DOCK8: variants seen among roughly 807,000 people sequenced by gnomAD.
DOCK8 encodes the protein dedicator of cytokinesis 8.
DOCK8 carries 141 observed loss-of-function variants against 245.6 expected under a neutral mutation model. The observed-to-expected ratio is 0.57, with a 90% CI of 0.50 to 0.66. The LOEUF is 0.66. Ranked by LOEUF, DOCK8 falls within the 30% of genes least tolerant of loss-of-function variation. The pLI is 0.00. For missense variants in DOCK8, 2,965 were observed against 2,603.4 expected (o/e 1.14, Z -3.02); for synonymous variants, 1,168 against 970.2 (o/e 1.20, Z -3.79).
Position 400,934 on chromosome 9 carries a change from TCCACCACCACCATCA to T in DOCK8, c.3234+1688_3234+1702del, listed in dbSNP as rs1246775491. On this transcript the variant is annotated intron_variant, in intron 26 of 47. Coordinates refer to ENST00000432829, the MANE Select transcript of DOCK8 (RefSeq NM_203447.4). ...CAGCTCCTTCACCATCACCACAACA[TCCACCACCACCATCA>T]CCACCACCACCACCACCTCCTCCAC... Among the ~76,000 whole-genome samples, 61 of 20,532 alleles carry T rather than the reference TCCACCACCACCATCA, an allele frequency of 3.0e-3. 2 individuals carry two copies. The highest frequency in any genetic ancestry group is 4.9e-3 in the East Asian group (3 of 612). The allele number at this position is 20,532 out of a possible 152,430, so 13.5% of individuals were successfully genotyped here. A position where few individuals can be genotyped will look rare whatever the true frequency, so the allele number is the denominator to read the frequency against.
chr9:223,217 A>T (rs2131345002), intron 1 of DOCK8, among the ~76,000 whole-genome samples: 1 of 152,328 alleles, frequency 6.6e-6, no homozygotes, highest in East Asian at 1.9e-4. Context: ...CTGGAACTAA[A>T]TTAAGAAAAA....
chr9:237,597 G>C (rs1361529647), intron 1 of DOCK8, among the ~76,000 whole-genome samples: 1 of 152,320 alleles, frequency 6.6e-6, no homozygotes, highest in South Asian at 2.1e-4. Context: ...TGAGGCTTCA[G>C]TGAGCTGTGA....
chr9:394,481 T>C (rs2054351041), intron 24 of DOCK8, among the ~76,000 whole-genome samples: 1 of 152,240 alleles, frequency 6.6e-6, no homozygotes, highest in Admixed American at 6.5e-5. Flanking sequence ...TCCTTGGCCT[T>C]AGCCAACAAC....
Position 248,192 on chromosome 9 carries a change from T to G in DOCK8, c.54-23435T>G, listed in dbSNP as rs138489930. On this transcript the variant is annotated intron_variant, in intron 1 of 47. Coordinates refer to ENST00000432829, the MANE Select transcript of DOCK8 (RefSeq NM_203447.4). Reference sequence around the variant, plus strand: ...ACCACATTCACTGTCCACCCTGGGCTTTGCCCCTCAAGCACCAGGGCTCAG... The same window carrying G: ...ACCACATTCACTGTCCACCCTGGGCGTTGCCCCTCAAGCACCAGGGCTCAG... Among the ~76,000 whole-genome samples, 760 of 152,314 alleles carry G rather than the reference T, an allele frequency of 5.0e-3. 4 individuals are homozygous for G. The highest frequency in any genetic ancestry group is 0.017 in the African/African-American group (716 of 41,582).
intron 14 of DOCK8, among the ~76,000 whole-genome samples, chr9:356,821 T>G (rs2052470081): frequency 6.9e-6 from 1 of 144,428 alleles, no homozygotes; most frequent in Non-Finnish European, 1.5e-5. Flanking sequence ...GAAGGAAATC[T>G]GCTAACATGG....
At chr9:461,094 G>A (rs1564094952) in intron 46 of DOCK8, among the ~76,000 whole-genome samples, 1 of 152,150 alleles carries the variant, frequency 6.6e-6, no homozygotes, top group Non-Finnish European at 1.5e-5. Flanking sequence ...TTTCTTCTTT[G>A]GTGTGTACCG....
At chr9:439,970 G>T (rs1328434698) in intron 40 of DOCK8, among the ~76,000 whole-genome samples, 1 of 152,096 alleles carries the variant, frequency 6.6e-6, no homozygotes, top group African/African-American at 2.4e-5. Flanking sequence ...AAAATATATA[G>T]AGAGATGAAG....
intron 5 of DOCK8, among the ~76,000 whole-genome samples, chr9:308,556 A>C (rs1299170063): frequency 6.6e-6 from 1 of 152,240 alleles, no homozygotes; most frequent in Non-Finnish European, 1.5e-5. Flanking sequence ...TCCTTGGTAC[A>C]CGTAGATTTT....
intron 15 of DOCK8, 32 bp from the exon 16 acceptor site, chr9:370,198 G>A (rs746873308): frequency 1.3e-6 from 2 of 1,579,146 alleles, no homozygotes; most frequent in South Asian, 2.2e-5. Flanking sequence ...AAATGTTACT[G>A]ATAATTTGAT....
At chr9:403,744 A>T (rs2055219753) in intron 26 of DOCK8, among the ~76,000 whole-genome samples, 2 of 151,328 alleles carry the variant, frequency 1.3e-5, no homozygotes, top group Non-Finnish European at 2.9e-5. Context: ...GTGCACCTGT[A>T]ATCCCAGCTA....
At chr9:408,374 T>G (rs1404078464) in intron 28 of DOCK8, among the ~76,000 whole-genome samples, 2 of 152,218 alleles carry the variant, frequency 1.3e-5, no homozygotes, top group Non-Finnish European at 2.9e-5. Context: ...CTTTTAGCTC[T>G]CAATTCTGCC....
At chr9:365,488 T>G in intron 14 of DOCK8, 1 of 423,104 alleles carries the variant, frequency 2.4e-6, no homozygotes. Flanking sequence ...AATCATGCCT[T>G]TAGAAGCATA....
chr9:418,331 G>C, intron 30 of DOCK8, 124 bp downstream of exon 30: 1 of 1,338,342 alleles, frequency 7.5e-7, no homozygotes, highest in Non-Finnish European at 1.1e-6. Flanking sequence ...GAGTGCAGTG[G>C]CGCAATCTCA....
chr9:304,540 C>T (rs370653969), intron 4 of DOCK8, 41 bp from the exon 5 acceptor site: 8 of 1,613,164 alleles, frequency 5.0e-6, no homozygotes, highest in Non-Finnish European at 5.9e-6. Context: ...GCCGCTCTCT[C>T]TCCCTCTTTC....
At chr9:415,081 C>G (rs2055929699) in intron 29 of DOCK8, 130 bp downstream of exon 29, 3 of 1,320,966 alleles carry the variant, frequency 2.3e-6, no homozygotes, top group Non-Finnish European at 3.2e-6. Flanking sequence ...AAAATGGTCT[C>G]CAAACCTCTT....
intron 2 of DOCK8, chr9:280,812 G>T (rs990095691): frequency 6.6e-6 from 1 of 152,198 alleles, no homozygotes; most frequent in East Asian, 1.9e-4. Flanking sequence ...GAACTCTCTT[G>T]TAGCTCACCC....
chr9:400,168 T>A lies in DOCK8; in HGVS notation c.3234+909T>A, dbSNP rs1046191944. 5.5e-3 allele frequency among the ~76,000 whole-genome samples: 194 copies of A among 35,148 alleles called. 6 individuals are homozygous for A. Among genetic ancestry groups the A allele is most frequent in the Middle Eastern group, 0.028 (1 of 36 alleles). The allele number at this position is 35,148 out of a possible 152,430, so 23.1% of individuals were successfully genotyped here. On this transcript the variant is annotated intron_variant, in intron 26 of 47. Transcript: ENST00000432829. ...CTCCACCATCACCACCACCACCACC[T>A]CCACCATCACCACCTCCTTCACCAT...
intron 4 of DOCK8, among the ~76,000 whole-genome samples, chr9:291,150 G>C (rs1386326017): frequency 6.6e-6 from 1 of 152,160 alleles, no homozygotes; most frequent in Admixed American, 6.5e-5. Context: ...AAAAAAATCT[G>C]AGAAGGAACA....
intron 44 of DOCK8, among the ~76,000 whole-genome samples, chr9:449,048 A>C (rs1184428226): frequency 6.6e-6 from 1 of 152,214 alleles, no homozygotes; most frequent in Non-Finnish European, 1.5e-5. Context: ...AGCTTTCTGC[A>C]TTGTAAGTTG....
Sources: allele counts gnomAD v4.1 joint callset (sites outside exome capture counted in the v4.1 genomes callset), GRCh38; gene constraint gnomAD v4.1.1; transcripts MANE v1.5; gene names NCBI Gene and HGNC (gene_info 2026-07-23, HGNC 2026-07-21).